The following OR2AP1 variants were observed in gnomAD, a reference collection of about 807,000 sequenced individuals.
OR2AP1 encodes olfactory receptor 2AP1.
A neutral mutation model predicts 13.9 loss-of-function variants in OR2AP1; 20 were observed. The observed-to-expected ratio is 1.44, with a 90% confidence interval of 1.01 to 2.09. OR2AP1 has a LOEUF of 2.09. OR2AP1 is among the 30% of genes most tolerant of loss of function. The probability of loss-of-function intolerance (pLI) is 0.00; values close to 1 mark genes in which losing one functional copy is unlikely to be tolerated. For missense variants in OR2AP1, 490 were observed against 360.6 expected, an observed-to-expected ratio of 1.36 and a Z score of -2.91; for synonymous variants, 174 against 137.0, an observed-to-expected ratio of 1.27 and a Z score of -1.89.
Position 55,575,041 on chromosome 12 carries a change from G to A in OR2AP1, c.627G>A (p.Leu209=). ...LVASVTLVVT[L]VLVILSYAFI... ...CATCTGTGACCCTGGTGGTCACTCT[G>A]GTGCTAGTGATTCTCTCCTATGCAT... The change falls in exon 2 of 2, where the codon CTG becomes CTA. Residue 209 remains leucine (L), a synonymous_variant. Transcript: ENST00000641114. The A allele has an allele frequency of 1.3e-6, 2 of 1,539,520 alleles. No individual in the cohort carries two copies.
chr12:55,572,887 C>G (rs896803955), intron 1 of OR2AP1, among the ~76,000 whole-genome samples: 2 of 152,178 alleles, frequency 1.3e-5, no homozygotes, highest in African/African-American at 2.4e-5. Context: ...GATTTTATCA[C>G]ATGGGTCAGG....
Position 55,574,745 on chromosome 12 carries a change from T to C in OR2AP1, c.331T>C (p.Tyr111His). 1 of 1,593,010 alleles carries C rather than the reference T, an allele frequency of 6.3e-7. No homozygotes were observed. The highest frequency in any genetic ancestry group is 8.6e-7 in the Non-Finnish European group (1 of 1,168,946). Residue 111 changes from tyrosine to histidine, a missense_variant, in exon 2 of 2, where the codon TAC becomes CAC. Transcript: ENST00000641114. ...CATGTTCCTTGGGGCTACAGAGTTTTACCTTCTGGCTGCCATGTCCTATGA... is the reference window on the plus strand; with the variant it reads ...CATGTTCCTTGGGGCTACAGAGTTTCACCTTCTGGCTGCCATGTCCTATGA... ...FAMFLGATEF[Y>H]LLAAMSYDRY...
At chr12:55,573,283 T>A (rs1481906583) in intron 1 of OR2AP1, among the ~76,000 whole-genome samples, 1 of 152,114 alleles carries the variant, frequency 6.6e-6, no homozygotes, top group Non-Finnish European at 1.5e-5. Flanking sequence ...TAATTTAGAA[T>A]GAATTTTAAT....
At chr12:55,574,052 G>T (rs1024160024) in intron 1 of OR2AP1, among the ~76,000 whole-genome samples, 168 bp from the exon 2 acceptor site, 1 of 152,146 alleles carries the variant, frequency 6.6e-6, no homozygotes, top group African/African-American at 2.4e-5. Flanking sequence ...TTAATGTTGG[G>T]GGGAAGAAAT....
At chr12:55,573,039 A>G (rs981436061) in intron 1 of OR2AP1, among the ~76,000 whole-genome samples, 1 of 152,090 alleles carries the variant, frequency 6.6e-6, no homozygotes, top group African/African-American at 2.4e-5. Context: ...TTAGCTAGGC[A>G]TGGTAGTGCA....
In OR2AP1 at chr12:55,574,632, A is replaced by G; in HGVS notation, c.218A>G (p.Asn73Ser). 6.5e-7 allele frequency: 1 copy of G among 1,542,772 alleles called. No individual in the cohort carries two copies. The highest frequency in any genetic ancestry group is 8.7e-7 in the Non-Finnish European group (1 of 1,148,524). Residue 73 changes from asparagine to serine, a missense_variant, in exon 2 of 2, where the codon AAC becomes AGC. Asn to Ser is a conservative substitution (Grantham distance 46). Coordinates refer to ENST00000641114, the MANE Select transcript of OR2AP1 (RefSeq NM_001258285.2). ...NFSFLEISFTNIFIPRVLISI... is the reference protein window; with the variant it reads ...NFSFLEISFTSIFIPRVLISI... ...TCCTTCTTGGAAATTTCCTTCACAA[A>G]CATCTTCATTCCAAGGGTCCTGATT...
In OR2AP1 at chr12:55,574,884, C is replaced by A; in HGVS notation, c.470C>A (p.Thr157Lys). 6.5e-7 allele frequency: 1 copy of A among 1,549,350 alleles called. No individual in the cohort carries two copies. Among genetic ancestry groups the A allele is most frequent in the South Asian group, 1.2e-5 (1 of 84,692 alleles). The change falls in exon 2 of 2, where the codon ACA (threonine) becomes AAA (lysine). Residue 157 changes from threonine (T) to lysine (K), a missense_variant. Thr to Lys is a moderately conservative substitution (Grantham distance 78). Transcript: ENST00000641114. ...GGTGGGCTAATGGCTATTATACCAA[C>A]AATCACCCTGATGAGTCAGCAGGAC... is the stretch of plus-strand genomic sequence containing the variant. ...WLGGLMAIIP[T>K]ITLMSQQDFC... is the part of the protein sequence containing the mutation.
At position 55,572,509 on chromosome 12, in the gene OR2AP1, T is replaced by C. The variant is rs1874447891; in HGVS notation, c.-309T>C. On this transcript the variant is annotated 5_prime_UTR_variant, in exon 1 of 2. Transcript: ENST00000641114. ...AATCTCACAATAGTCATTTGGATAGTCAAGTCAGGAAGTATGTTACCTGTT... is the reference window on the plus strand; with the variant it reads ...AATCTCACAATAGTCATTTGGATAGCCAAGTCAGGAAGTATGTTACCTGTT... 1 of 152,158 alleles carries C rather than the reference T, an allele frequency of 6.6e-6. No homozygotes were observed. The highest frequency in any genetic ancestry group is 1.5e-5 in the Non-Finnish European group (1 of 68,014). 9.4% of individuals were successfully genotyped at this position (152,158 alleles called of 1,614,324 possible).
At position 55,574,430 on chromosome 12, in the gene OR2AP1, G is replaced by C; in HGVS notation, c.16G>C (p.Val6Leu). The C allele has an allele frequency of 1.3e-6, 2 of 1,520,882 alleles. No individual in the cohort carries two copies. The highest frequency in any genetic ancestry group is 1.8e-6 in the Non-Finnish European group (2 of 1,140,034). 94.2% of individuals were successfully genotyped at this position (1,520,882 alleles called of 1,614,324 possible). The change falls in exon 2 of 2, where the codon GTG becomes CTG. Residue 6 changes from valine to leucine, a missense_variant. Transcript: ENST00000641114. MKNKT[V>L]LTEFILLGLT... ...TTTTTCAACAATGAAAAATAAAACCGTGTTAACTGAGTTTATCCTTCTGGG... is the reference window on the plus strand; with the variant it reads ...TTTTTCAACAATGAAAAATAAAACCCTGTTAACTGAGTTTATCCTTCTGGG...
chr12:55,574,837 G>A lies in OR2AP1; in HGVS notation c.423G>A (p.Gln141=). Residue 141 remains glutamine, a synonymous_variant, in exon 2 of 2, where the codon CAG becomes CAA. Coordinates refer to ENST00000641114, the MANE Select transcript of OR2AP1 (RefSeq NM_001258285.2). The part of the protein sequence containing the change: ...TTIMSSRICI[Q]LIFCSWLGGL... ...TCATGAGCAGCAGAATCTGCATCCA[G>A]CTGATTTTCTGCTCTTGGCTGGGTG... 1 of 1,593,322 alleles carries A rather than the reference G, an allele frequency of 6.3e-7. No individual in the cohort carries two copies. The highest frequency in any genetic ancestry group is 8.5e-7 in the Non-Finnish European group (1 of 1,169,820).
Position 55,574,850 on chromosome 12 carries a change from T to C in OR2AP1, c.436T>C (p.Ser146Pro), listed in dbSNP as rs1278850468. ...AATCTGCATCCAGCTGATTTTCTGC[T>C]CTTGGCTGGGTGGGCTAATGGCTAT... ...SRICIQLIFC[S>P]WLGGLMAIIP... Residue 146 changes from serine (S) to proline (P), a missense_variant, in exon 2 of 2, where the codon TCT becomes CCT. Physicochemically the swap from Ser to Pro is moderately conservative, Grantham distance 74. Transcript: ENST00000641114. 6.3e-7 allele frequency: 1 copy of C among 1,577,264 alleles called. No homozygotes were observed. The highest frequency in any genetic ancestry group is 8.6e-7 in the Non-Finnish European group (1 of 1,161,642).
Position 55,575,143 on chromosome 12 carries a change from G to A in OR2AP1, c.729G>A (p.Met243Ile), listed in dbSNP as rs778101332. Residue 243 changes from methionine (M) to isoleucine (I), a missense_variant, in exon 2 of 2, where the codon ATG becomes ATA. By Grantham distance (10) the Met-to-Ile change is conservative (BLOSUM62 1). Coordinates refer to ENST00000641114, the MANE Select transcript of OR2AP1 (RefSeq NM_001258285.2). ...CCTTTTCCACATGTTCTTCCCACAT[G>A]ATTGTCATCTCCCTCTCTTACGGAA... ...TKAFSTCSSH[M>I]IVISLSYGSC... 1.2e-6 allele frequency: 2 copies of A among 1,601,360 alleles called. No individual in the cohort carries two copies. Among genetic ancestry groups the A allele is most frequent in the East Asian group, 2.2e-5 (1 of 44,704 alleles).
rs967141101 is a variant in OR2AP1 at position 55,574,488 on chromosome 12, T to A, written c.74T>A (p.Val25Asp). ...GATGTCCCTGAACTCCAGGTGGCAG[T>A]TTTCACCTTTCTTTTCCTTGCGTAT... ...LTDVPELQVAVFTFLFLAYLL... is the reference protein window; with the variant it reads ...LTDVPELQVADFTFLFLAYLL... Residue 25 changes from valine (V) to aspartate (D), a missense_variant, in exon 2 of 2, where the codon GTT (valine) becomes GAT (aspartate). Coordinates refer to ENST00000641114, the MANE Select transcript of OR2AP1 (RefSeq NM_001258285.2). 2 of 1,536,322 alleles carry A rather than the reference T, an allele frequency of 1.3e-6. No homozygotes were observed. Among genetic ancestry groups the A allele is most frequent in the Non-Finnish European group, 1.7e-6 (2 of 1,146,472 alleles).
At position 55,574,776 on chromosome 12, in the gene OR2AP1, A is replaced by G. The variant is rs1264476871; in HGVS notation, c.362A>G (p.Tyr121Cys). 1 of 1,607,448 alleles carries G rather than the reference A, an allele frequency of 6.2e-7. No homozygotes were observed. Among genetic ancestry groups the G allele is most frequent in the East Asian group, 2.2e-5 (1 of 44,632 alleles). The change falls in exon 2 of 2, where the codon TAT becomes TGT. Residue 121 changes from tyrosine to cysteine, a missense_variant. By Grantham distance (194) the Tyr-to-Cys change is radical (BLOSUM62 -2). Coordinates refer to ENST00000641114, the MANE Select transcript of OR2AP1 (RefSeq NM_001258285.2). ...YLLAAMSYDR[Y>C]VAICKPLHYT... Reference sequence around the variant, plus strand: ...CTGGCTGCCATGTCCTATGACCGCTATGTGGCCATCTGCAAACCTCTGCAT... The same window carrying G: ...CTGGCTGCCATGTCCTATGACCGCTGTGTGGCCATCTGCAAACCTCTGCAT...
Position 55,575,020 on chromosome 12 carries a change from T to C in OR2AP1, c.606T>C (p.Ser202=). 1 of 1,538,206 alleles carries C rather than the reference T, an allele frequency of 6.5e-7. No homozygotes were observed. The highest frequency in any genetic ancestry group is 1.2e-5 in the South Asian group (1 of 84,198). The change falls in exon 2 of 2, where the codon TCT becomes TCC. Residue 202 remains serine (S), a synonymous_variant. Transcript: ENST00000641114. ...AGAAGGTTGTCTTTCTTGTGGCATC[T>C]GTGACCCTGGTGGTCACTCTGGTGC... is the stretch of plus-strand genomic sequence containing the variant. ...LIEKVVFLVA[S]VTLVVTLVLV...
chr12:55,575,330 C>T lies in OR2AP1; in HGVS notation c.916C>T (p.Leu306Phe). The T allele has an allele frequency of 1.3e-6, 2 of 1,496,616 alleles. No homozygotes were observed. Among genetic ancestry groups the T allele is most frequent in the Non-Finnish European group, 8.9e-7 (1 of 1,124,500 alleles). The allele number at this position is 1,496,616 out of a possible 1,614,324, so 92.7% of individuals were successfully genotyped here. ...ACCCTTCAAGGATATGGTCAAAAAG[C>T]TTCTGAATCTTTAAAGAATTTAAGA... ...KQPFKDMVKKLLNL is the reference protein window; with the variant it reads ...KQPFKDMVKKFLNL Residue 306 changes from leucine (L) to phenylalanine (F), a missense_variant, in exon 2 of 2, where the codon CTT becomes TTT. Physicochemically the swap from Leu to Phe is conservative, Grantham distance 22. Transcript: ENST00000641114.
rs1021115943 is a variant in OR2AP1 at position 55,574,606 on chromosome 12, C to T, written c.192C>T (p.Phe64=). ...CCATGTATTTCTTTCTCCGGAACTT[C>T]TCCTTCTTGGAAATTTCCTTCACAA... is the stretch of plus-strand genomic sequence containing the variant. The part of the protein sequence containing the change: ...QTPMYFFLRN[F]SFLEISFTNI... The change falls in exon 2 of 2, where the codon TTC becomes TTT. Residue 64 remains phenylalanine, a synonymous_variant. Transcript: ENST00000641114. 4 of 1,540,994 alleles carry T rather than the reference C, an allele frequency of 2.6e-6. No homozygotes were observed. The Admixed American group carries it at 7.8e-5, about 30-fold the overall frequency.
Position 55,574,998 on chromosome 12 carries a change from A to G in OR2AP1, c.584A>G (p.Lys195Arg). The change falls in exon 2 of 2, where the codon AAG becomes AGG. Residue 195 changes from lysine (K) to arginine (R), a missense_variant. Coordinates refer to ENST00000641114, the MANE Select transcript of OR2AP1 (RefSeq NM_001258285.2). ...TGTTCAGACACAAGCCTCATAGAGA[A>G]GGTTGTCTTTCTTGTGGCATCTGTG... ...LSCSDTSLIE[K>R]VVFLVASVTL... 6.5e-7 allele frequency: 1 copy of G among 1,537,416 alleles called. No homozygotes were observed. The highest frequency in any genetic ancestry group is 8.7e-7 in the Non-Finnish European group (1 of 1,146,720).
intron 1 of OR2AP1, among the ~76,000 whole-genome samples, chr12:55,573,515 T>G (rs1229592853): frequency 1.3e-5 from 2 of 152,178 alleles, no homozygotes; most frequent in East Asian, 3.9e-4. Flanking sequence ...AAAATTCACA[T>G]GCCCACATAC....
Sources: allele counts gnomAD v4.1 joint callset (sites outside exome capture counted in the v4.1 genomes callset), GRCh38; gene constraint gnomAD v4.1.1; transcripts MANE v1.5; gene names NCBI Gene and HGNC (gene_info 2026-07-23, HGNC 2026-07-21).